Variants in TET2 observed in about 807,000 individuals in gnomAD.
TET2 encodes the protein tet methylcytosine dioxygenase 2.
Under a neutral mutation model 142.9 loss-of-function variants are expected in TET2, and 299 were observed. The observed-to-expected ratio is 2.09, with a 90% confidence interval of 1.90 to 2.30. The LOEUF (loss-of-function observed/expected upper bound fraction) is 2.30, where lower values mean the gene tolerates loss of function less well. Among genes scored for constraint, TET2 ranks in the 30% most tolerant of loss-of-function variants. The pLI, the probability that TET2 is intolerant of heterozygous loss-of-function variation, is 0.00. For synonymous variants in TET2, 819 were observed against 849.0 expected (o/e 0.96, Z 0.61); for missense variants, 2,418 against 2,378.0 (o/e 1.02, Z -0.35).
At position 105,237,133 on chromosome 4, in the gene TET2, T is replaced by A; in HGVS notation, c.3191T>A (p.Val1064Asp). 1.2e-6 allele frequency: 2 copies of A among 1,614,148 alleles called. No homozygotes were observed. The highest frequency in any genetic ancestry group is 1.7e-6 in the Non-Finnish European group (2 of 1,180,018). ...VKVEMSGPVT[V>D]LTRQTTAAEL... ...GTTGAAATGTCAGGGCCAGTCACAG[T>A]TTTGACTAGACAAACCACTGCTGCA... is the stretch of plus-strand genomic sequence containing the variant. The change falls in exon 3 of 11, where the codon GTT becomes GAT. Residue 1064 changes from valine (V) to aspartate (D), a missense_variant. By Grantham distance (152) the Val-to-Asp change is radical (BLOSUM62 -3). Coordinates refer to ENST00000380013, the MANE Select transcript of TET2 (RefSeq NM_001127208.3).
rs750905842 is a variant in TET2 at position 105,276,608 on chromosome 4, A to G, written c.*89A>G. On this transcript the variant is annotated 3_prime_UTR_variant, in exon 11 of 11. Transcript: ENST00000380013. ...TTCTCATGACGTGGGCAGTGGGGAA[A>G]GGTCACAGTATTCATGACAAATGTG... The G allele has an allele frequency of 5.8e-6, 8 of 1,381,012 alleles. No homozygotes were observed. The South Asian group carries it at 1.1e-4, about 18-fold the overall frequency. 85.5% of individuals were successfully genotyped at this position (1,381,012 alleles called of 1,614,324 possible). A position where few individuals can be genotyped will look rare whatever the true frequency, so the allele number is the denominator to read the frequency against.
chr4:105,279,714 G>T lies in TET2; in HGVS notation c.*3195G>T. On this transcript the variant is annotated 3_prime_UTR_variant, in exon 11 of 11. Coordinates refer to ENST00000380013, the MANE Select transcript of TET2 (RefSeq NM_001127208.3). ...AAGTATTGTAATGTTATGAATGCAGGTTATTTGAAAGCTGTTTATTATTAT... is the reference window on the plus strand; with the variant it reads ...AAGTATTGTAATGTTATGAATGCAGTTTATTTGAAAGCTGTTTATTATTAT... The T allele has an allele frequency of 4.4e-6, 1 of 227,602 alleles. No homozygotes were observed. Among genetic ancestry groups the T allele is most frequent in the East Asian group, 6.4e-5 (1 of 15,724 alleles). The allele number at this position is 227,602 out of a possible 1,614,324, so 14.1% of individuals were successfully genotyped here. A position where few individuals can be genotyped will look rare whatever the true frequency, so the allele number is the denominator to read the frequency against.
chr4:105,202,937 GT>G (rs1407219664), intron 2 of TET2, among the ~76,000 whole-genome samples: 3 of 152,190 alleles, frequency 2.0e-5, no homozygotes, highest in Non-Finnish European at 2.9e-5. Context: ...ACAGGGCAGA[GT>G]ATGAGTAATA....
intron 1 of TET2, among the ~76,000 whole-genome samples, chr4:105,184,376 A>G (rs1560733025): frequency 6.6e-6 from 1 of 152,164 alleles, no homozygotes; most frequent in South Asian, 2.1e-4. Flanking sequence ...ACTATGTTAA[A>G]TTGTTTATAA....
At chr4:105,193,227 A>G (rs1725889835) in intron 2 of TET2, among the ~76,000 whole-genome samples, 1 of 152,066 alleles carries the variant, frequency 6.6e-6, no homozygotes, top group Admixed American at 6.6e-5. Context: ...AGAGAAGTGG[A>G]GGGGAAACAG....
At position 105,275,652 on chromosome 4, in the gene TET2, T is replaced by C; in HGVS notation, c.5142T>C (p.Asn1714=). ...TCAGCAGTTGTACCATTAGACCAAA[T>C]GTACATCATGTAGGGAAATTGCCTC... ...DGFSSCTIRP[N]VHHVGKLPPY... The change falls in exon 11 of 11, where the codon AAT becomes AAC. Residue 1714 remains asparagine, a synonymous_variant. Coordinates refer to ENST00000380013, the MANE Select transcript of TET2 (RefSeq NM_001127208.3). 2 of 1,551,944 alleles carry C rather than the reference T, an allele frequency of 1.3e-6. No individual in the cohort carries two copies. Among genetic ancestry groups the C allele is most frequent in the Non-Finnish European group, 1.7e-6 (2 of 1,147,030 alleles).
At chr4:105,160,827 A>C (rs1723814352) in intron 1 of TET2, among the ~76,000 whole-genome samples, 1 of 152,090 alleles carries the variant, frequency 6.6e-6, no homozygotes, top group Non-Finnish European at 1.5e-5. Flanking sequence ...CCCAGGCTGG[A>C]GTGAAGCGGA....
At position 105,276,412 on chromosome 4, in the gene TET2, A is replaced by G; in HGVS notation, c.5902A>G (p.Ile1968Val). The G allele has an allele frequency of 1.3e-6, 2 of 1,551,988 alleles. No homozygotes were observed. Among genetic ancestry groups the G allele is most frequent in the Non-Finnish European group, 1.7e-6 (2 of 1,147,040 alleles). The change falls in exon 11 of 11, where the codon ATC (isoleucine) becomes GTC (valine). Residue 1968 changes from isoleucine to valine, a missense_variant. By Grantham distance (29) the Ile-to-Val change is conservative. Coordinates refer to ENST00000380013, the MANE Select transcript of TET2 (RefSeq NM_001127208.3). ...ETSEPTYLRF[I>V]KSLAERTMSV... The stretch of plus-strand genomic sequence containing the variant: ...TTCAGAGCCCACTTACCTGCGTTTC[A>G]TCAAGTCTCTTGCCGAAAGGACCAT...
Position 105,259,627 on chromosome 4 carries a change from G to C in TET2, c.3812G>C (p.Cys1271Ser). 2 of 1,550,724 alleles carry C rather than the reference G, an allele frequency of 1.3e-6. No homozygotes were observed. Among genetic ancestry groups the C allele is most frequent in the Non-Finnish European group, 1.7e-6 (2 of 1,146,332 alleles). ...RRCALNEERT[C>S]ACQGLDPETC... ...GTCTTTTGATTTTTCAGGAGAACTTGCGCCTGTCAGGGGCTGGATCCAGAA... is the reference window on the plus strand; with the variant it reads ...GTCTTTTGATTTTTCAGGAGAACTTCCGCCTGTCAGGGGCTGGATCCAGAA... The change falls in exon 7 of 11, where the codon TGC becomes TCC. Residue 1271 changes from cysteine to serine, a missense_variant. By Grantham distance (112) the Cys-to-Ser change is moderately radical. Transcript: ENST00000380013.
intron 1 of TET2, among the ~76,000 whole-genome samples, chr4:105,187,059 G>T (rs1400775555): frequency 6.6e-6 from 1 of 152,120 alleles, no homozygotes; most frequent in Admixed American, 6.5e-5. Flanking sequence ...ATAACTGCTG[G>T]TAGTGACACT....
intron 1 of TET2, among the ~76,000 whole-genome samples, chr4:105,165,185 G>A (rs1724088442): frequency 6.6e-6 from 1 of 152,102 alleles, no homozygotes; most frequent in Admixed American, 6.6e-5. Context: ...AACCAACCTG[G>A]CCAACGTAGA....
chr4:105,270,088 C>A (rs963610637), intron 9 of TET2, among the ~76,000 whole-genome samples: 5 of 152,232 alleles, frequency 3.3e-5, no homozygotes, highest in African/African-American at 1.2e-4. Flanking sequence ...ATTTTGGGAG[C>A]TACAATTCAA....
intron 2 of TET2, among the ~76,000 whole-genome samples, chr4:105,194,214 C>G (rs930188183): frequency 1.2e-4 from 18 of 152,218 alleles, no homozygotes; most frequent in Middle Eastern, 3.4e-3. Flanking sequence ...TGTTAGCACT[C>G]TCTTGTAGCC....
At position 105,164,172 on chromosome 4, in the gene TET2, A is replaced by T. The variant is rs150432231; in HGVS notation, c.-193+17193A>T. On this transcript the variant is annotated intron_variant, in intron 1 of 10. Transcript: ENST00000380013. The stretch of plus-strand genomic sequence containing the variant: ...TCATCTGGCATAACTGAAACTGTGT[A>T]TCCTTTGACAAACCTATTTCCCCTA... Among the ~76,000 whole-genome samples the T allele has an allele frequency of 5.4e-3, 817 of 152,302 alleles. 12 individuals are homozygous for T. Among genetic ancestry groups the T allele is most frequent in the African/African-American group, 0.019 (790 of 41,554 alleles).
chr4:105,240,515 C>T (rs536028023), intron 3 of TET2: 18 of 1,078,076 alleles, frequency 1.7e-5, no homozygotes, highest in East Asian at 1.0e-4. Flanking sequence ...ATGACCTACC[C>T]GTGCCATGTT....
chr4:105,152,183 A>G (rs577398080), intron 1 of TET2, among the ~76,000 whole-genome samples: 1 of 152,308 alleles, frequency 6.6e-6, no homozygotes, highest in African/African-American at 2.4e-5. Flanking sequence ...AGGCTGATAC[A>G]GGAGAATTGC....
At chr4:105,175,223 C>T (rs1443305642) in intron 1 of TET2, among the ~76,000 whole-genome samples, 1 of 152,072 alleles carries the variant, frequency 6.6e-6, no homozygotes, top group Non-Finnish European at 1.5e-5. Flanking sequence ...AGTTTGAAGA[C>T]ACTGAATAAG....
At chr4:105,192,861 CAAGT>C (rs1725865936) in intron 2 of TET2, among the ~76,000 whole-genome samples, 1 of 151,826 alleles carries the variant, frequency 6.6e-6, no homozygotes, top group Admixed American at 6.6e-5. Context: ...ATATAGTAGT[CAAGT>C]AAGGCAGCTT....
rs1213170290 is a variant in TET2, at chr4:105,279,533, T to G, written c.*3014T>G. The G allele has an allele frequency of 4.3e-6, 1 of 232,706 alleles. No homozygotes were observed. The allele number at this position is 232,706 out of a possible 1,614,324, so 14.4% of individuals were successfully genotyped here. ...TGACGCACAGTGATGTACAGTTCAC[T>G]TCTGAAGCTAGTGGTTAACTTGTGT... On this transcript the variant is annotated 3_prime_UTR_variant, in exon 11 of 11. Coordinates refer to ENST00000380013, the MANE Select transcript of TET2 (RefSeq NM_001127208.3).
Sources: allele counts gnomAD v4.1 joint callset (sites outside exome capture counted in the v4.1 genomes callset), GRCh38; gene constraint gnomAD v4.1.1; transcripts MANE v1.5; gene names NCBI Gene and HGNC (gene_info 2026-07-23, HGNC 2026-07-21).